Variants in LRP1B observed in about 807,000 individuals in gnomAD.
LRP1B encodes LDL receptor related protein 1B, also known as low-density lipoprotein receptor-related protein 1B.
In LRP1B, 217 loss-of-function variants were observed where a neutral mutation model predicts 556.6. The observed-to-expected ratio is 0.39, with a 90% CI of 0.35 to 0.44. The LOEUF (loss-of-function observed/expected upper bound fraction) is 0.44, where lower values mean the gene tolerates loss of function less well. Among genes scored for constraint, LRP1B ranks in the 20% least tolerant of loss-of-function variants. LRP1B has a pLI of 1.00. For missense variants in LRP1B, 5,053 were observed against 5,620.8 expected, an observed-to-expected ratio of 0.90 and a Z score of 3.23; for synonymous variants, 2,047 against 1,865.8, an observed-to-expected ratio of 1.10 and a Z score of -2.50.
chr2:141,470,345 C>T (rs749345385), intron 3 of LRP1B, among the ~76,000 whole-genome samples: 5 of 152,304 alleles, frequency 3.3e-5, no homozygotes, highest in Admixed American at 6.5e-5. Flanking sequence ...AAGATTTAGA[C>T]ATTGAATACT....
chr2:140,782,980 C>T (rs536831914), intron 32 of LRP1B, among the ~76,000 whole-genome samples: 6 of 152,278 alleles, frequency 3.9e-5, no homozygotes, highest in Non-Finnish European at 8.8e-5. Context: ...AATTTCAATG[C>T]TTTTTCCACT....
intron 32 of LRP1B, among the ~76,000 whole-genome samples, chr2:140,793,768 A>T (rs1690203799): frequency 6.6e-6 from 1 of 152,068 alleles, no homozygotes; most frequent in African/African-American, 2.4e-5. Flanking sequence ...ATATTATGTC[A>T]TAGCAACTCA....
intron 83 of LRP1B, among the ~76,000 whole-genome samples, chr2:140,313,677 G>A (rs1684401688): frequency 6.6e-6 from 1 of 151,726 alleles, no homozygotes; most frequent in Non-Finnish European, 1.5e-5. Context: ...TTCCCTAAAG[G>A]AGATATTATG....
chr2:141,683,454 A>G (rs1296845243), intron 2 of LRP1B, among the ~76,000 whole-genome samples: 1 of 152,088 alleles, frequency 6.6e-6, no homozygotes, highest in Non-Finnish European at 1.5e-5. Flanking sequence ...GAAATTAGGG[A>G]CATGTTATTT....
At chr2:141,819,320 G>A (rs1020281233) in intron 1 of LRP1B, among the ~76,000 whole-genome samples, 5 of 151,794 alleles carry the variant, frequency 3.3e-5, no homozygotes, top group African/African-American at 7.3e-5. Context: ...ATCCACAACC[G>A]TCTACTCAAA....
chr2:141,998,991 C>A (rs966934995), intron 1 of LRP1B, among the ~76,000 whole-genome samples: 2 of 152,138 alleles, frequency 1.3e-5, no homozygotes, highest in African/African-American at 4.8e-5. Context: ...TGTAAATATT[C>A]CCCAGAAGAG....
At chr2:141,718,472 T>C in intron 2 of LRP1B, among the ~76,000 whole-genome samples, 1 of 152,172 alleles carries the variant, frequency 6.6e-6, no homozygotes, top group African/African-American at 2.4e-5. Context: ...GGAATCCATC[T>C]AGGAATGACC....
chr2:141,406,319 T>A (rs1690631707), intron 3 of LRP1B, among the ~76,000 whole-genome samples: 1 of 152,104 alleles, frequency 6.6e-6, no homozygotes. Flanking sequence ...TTCATATAAT[T>A]AATCATCCAA....
chr2:141,319,302 T>G (rs1477967111), intron 3 of LRP1B, among the ~76,000 whole-genome samples: 20 of 120,226 alleles, frequency 1.7e-4, no homozygotes, highest in Admixed American at 1.0e-3. Context: ...AAGCAGTGTT[T>G]TTTTGTTGTT....
chr2:140,904,163 G>A (rs1163145998), intron 22 of LRP1B, among the ~76,000 whole-genome samples: 1 of 152,144 alleles, frequency 6.6e-6, no homozygotes, highest in African/African-American at 2.4e-5. Flanking sequence ...TAGAAAAATT[G>A]TATAAAAGCA....
At chr2:141,166,018 C>G (rs963494012) in intron 7 of LRP1B, among the ~76,000 whole-genome samples, 2 of 151,958 alleles carry the variant, frequency 1.3e-5, no homozygotes, top group Non-Finnish European at 2.9e-5. Context: ...CAACCTCTAC[C>G]CATCCTACAC....
chr2:140,489,118 G>T (rs1319856278), intron 57 of LRP1B, among the ~76,000 whole-genome samples: 1 of 151,986 alleles, frequency 6.6e-6, no homozygotes, highest in Non-Finnish European at 1.5e-5. Flanking sequence ...ATAAGAGAAG[G>T]TTCTGGCAAA....
chr2:140,955,997 A>G (rs1276920993), intron 18 of LRP1B, among the ~76,000 whole-genome samples: 1 of 151,822 alleles, frequency 6.6e-6, no homozygotes, highest in Non-Finnish European at 1.5e-5. Flanking sequence ...CTTCAAAATT[A>G]TGTATGTGGA....
chr2:141,046,790 T>C (rs1698883305), intron 11 of LRP1B, among the ~76,000 whole-genome samples: 2 of 152,136 alleles, frequency 1.3e-5, no homozygotes, highest in South Asian at 4.2e-4. Flanking sequence ...TCCTTGAAAG[T>C]GTCTGTGTTG....
chr2:141,493,430 C>T (rs1683405874), intron 2 of LRP1B, among the ~76,000 whole-genome samples: 3 of 152,014 alleles, frequency 2.0e-5, no homozygotes, highest in African/African-American at 4.8e-5. Flanking sequence ...AGGGTGATAC[C>T]CAAATATTTA....
rs528342134 is a variant in LRP1B at position 140,942,851 on chromosome 2, G to A, written c.3136+7384C>T. Among the ~76,000 whole-genome samples the A allele has an allele frequency of 4.6e-5, 7 of 152,142 alleles. No individual in the cohort carries two copies. In the South Asian group the frequency reaches 1.5e-3, roughly 32 times the overall value. ...CAAAAAGACATGTATATAGCCCACAGGCCCTATGAAGCAACTACATAATCA... is the reference window on the plus strand; with the variant it reads ...CAAAAAGACATGTATATAGCCCACAAGCCCTATGAAGCAACTACATAATCA... On this transcript the variant is annotated intron_variant, in intron 20 of 90. Transcript: ENST00000389484.
chr2:141,138,725 ATTAAATAATGAAAGATAGGCC>A (rs1354094986), intron 7 of LRP1B, among the ~76,000 whole-genome samples: 7 of 152,088 alleles, frequency 4.6e-5, no homozygotes, highest in Middle Eastern at 6.8e-3. Flanking sequence ...TGTGACAGAC[ATTAAATAATGAAAGATAGGCC>A]TTGTTTATGG....
At chr2:141,958,248 T>G (rs1462866666) in intron 1 of LRP1B, among the ~76,000 whole-genome samples, 1 of 152,036 alleles carries the variant, frequency 6.6e-6, no homozygotes, top group Non-Finnish European at 1.5e-5. Context: ...ACAGTCCTGG[T>G]GCATTAGAAG....
chr2:140,813,967 G>C (rs1318333214), intron 31 of LRP1B, among the ~76,000 whole-genome samples, 161 bp from the exon 32 acceptor site: 1 of 151,912 alleles, frequency 6.6e-6, no homozygotes, highest in African/African-American at 2.4e-5. Flanking sequence ...ATGGTGTTTT[G>C]GGTTTTTTAT....
Sources: gnomAD v4.1 joint callset for allele counts (sites outside exome capture counted in the v4.1 genomes callset) on GRCh38, gnomAD v4.1.1 for gene constraint, MANE v1.5 for transcripts, NCBI Gene and HGNC (gene_info 2026-07-23, HGNC 2026-07-21) for gene names.